The following ANKRD31 variants were observed in gnomAD, a reference collection of about 807,000 sequenced individuals.
ANKRD31 encodes the protein ankyrin repeat domain 31.
In ANKRD31, 147 loss-of-function variants were observed where a neutral mutation model predicts 186.0. The observed-to-expected ratio is 0.79, with a 90% CI of 0.69 to 0.91. ANKRD31 has a LOEUF of 0.91. Ranked by LOEUF, ANKRD31 falls within the 40% of genes least tolerant of loss-of-function variation. The pLI is 0.00. For missense variants in ANKRD31, 1,986 were observed against 2,148.8 expected (o/e 0.92, Z 1.50); for synonymous variants, 673 against 736.4 (o/e 0.91, Z 1.39).
intron 5 of ANKRD31, among the ~76,000 whole-genome samples, chr5:75,204,051 C>A (rs1180804190): frequency 6.6e-6 from 1 of 152,160 alleles, no homozygotes; most frequent in Non-Finnish European, 1.5e-5. Flanking sequence ...ATTTACTAAA[C>A]TTCTATATCT....
chr5:75,159,107 C>T (rs772361689), intron 11 of ANKRD31, among the ~76,000 whole-genome samples: 9 of 151,880 alleles, frequency 5.9e-5, no homozygotes, highest in Non-Finnish European at 1.2e-4. Context: ...CCAGAGGCCT[C>T]AACAGGAAGT....
chr5:75,225,559 T>A, intron 2 of ANKRD31: 1 of 284,292 alleles, frequency 3.5e-6, no homozygotes, highest in Non-Finnish European at 7.0e-6. Flanking sequence ...TGACAGGGTT[T>A]GTCAATGAGA....
intron 23 of ANKRD31, among the ~76,000 whole-genome samples, chr5:75,087,175 A>G (rs1374247149): frequency 3.9e-5 from 6 of 152,262 alleles, no homozygotes; most frequent in South Asian, 4.1e-4. Context: ...CATTTTTCAT[A>G]TATCTTCAGA....
chr5:75,141,278 C>A (rs527827283), intron 15 of ANKRD31, among the ~76,000 whole-genome samples: 1 of 152,232 alleles, frequency 6.6e-6, no homozygotes, highest in South Asian at 2.1e-4. Flanking sequence ...CAGACAAAAA[C>A]ATATTGCTCT....
intron 11 of ANKRD31, among the ~76,000 whole-genome samples, chr5:75,165,192 C>A (rs1195536133): frequency 1.3e-5 from 2 of 151,514 alleles, no homozygotes; most frequent in Non-Finnish European, 2.9e-5. Context: ...CTCCAAAATC[C>A]AAAAAAAATT....
At chr5:75,200,725 C>T (rs1755767485) in intron 5 of ANKRD31, among the ~76,000 whole-genome samples, 1 of 151,118 alleles carries the variant, frequency 6.6e-6, no homozygotes, top group Admixed American at 6.6e-5. Flanking sequence ...CCAGCCTGGC[C>T]AACAAGGTGA....
chr5:75,185,291 G>A (rs556952351), intron 10 of ANKRD31, among the ~76,000 whole-genome samples: 19 of 152,188 alleles, frequency 1.2e-4, no homozygotes, highest in South Asian at 2.1e-4. Flanking sequence ...AAGGTGCAGC[G>A]GCTCACACCT....
intron 10 of ANKRD31, among the ~76,000 whole-genome samples, chr5:75,173,676 G>A (rs1458540907): frequency 6.6e-6 from 1 of 152,114 alleles, no homozygotes; most frequent in Non-Finnish European, 1.5e-5. Context: ...AACTTACAAG[G>A]GATGTGAAGG....
At chr5:75,119,622 G>C (rs1487171500) in intron 17 of ANKRD31, among the ~76,000 whole-genome samples, 1 of 152,148 alleles carries the variant, frequency 6.6e-6, no homozygotes, top group Non-Finnish European at 1.5e-5. Context: ...CCCAGTAATG[G>C]AATTGCTAGG....
chr5:75,162,765 T>C (rs1752657455), intron 11 of ANKRD31, among the ~76,000 whole-genome samples: 1 of 152,208 alleles, frequency 6.6e-6, no homozygotes, highest in African/African-American at 2.4e-5. Context: ...TGTTATGTTT[T>C]AATGAAAAAT....
chr5:75,168,937 CA>C, intron 11 of ANKRD31, 41 bp downstream of exon 11: 3 of 1,466,414 alleles, frequency 2.0e-6, no homozygotes, highest in Non-Finnish European at 2.7e-6. Flanking sequence ...TTAATATTTG[CA>C]AAATATAGTA....
At chr5:75,170,032 G>A (rs775289901) in intron 10 of ANKRD31, among the ~76,000 whole-genome samples, 9 of 152,046 alleles carry the variant, frequency 5.9e-5, no homozygotes, top group African/African-American at 1.2e-4. Context: ...GAGTTTTGAC[G>A]AAGAAATGAA....
intron 3 of ANKRD31, among the ~76,000 whole-genome samples, chr5:75,221,831 T>G (rs1377773858): frequency 1.3e-5 from 2 of 152,122 alleles, no homozygotes; most frequent in African/African-American, 2.4e-5. Flanking sequence ...TTTATGATCT[T>G]CTTAACATTT....
intron 10 of ANKRD31, among the ~76,000 whole-genome samples, chr5:75,187,642 G>A (rs1397279524): frequency 1.3e-5 from 2 of 152,028 alleles, no homozygotes; most frequent in African/African-American, 4.8e-5. Flanking sequence ...AAGAATACAA[G>A]GTTGAGGGTT....
At chr5:75,086,380 C>T (rs2150023060) in intron 23 of ANKRD31, among the ~76,000 whole-genome samples, 1 of 152,272 alleles carries the variant, frequency 6.6e-6, no homozygotes, top group South Asian at 2.1e-4. Flanking sequence ...ATGTGCATTT[C>T]ATATTAATGT....
At chr5:75,232,506 G>A (rs1243299984) in intron 1 of ANKRD31, among the ~76,000 whole-genome samples, 3 of 151,582 alleles carry the variant, frequency 2.0e-5, no homozygotes, top group Non-Finnish European at 2.9e-5. Flanking sequence ...TTCAGGTCTC[G>A]ACCTCCCTAA....
intron 3 of ANKRD31, among the ~76,000 whole-genome samples, chr5:75,217,639 C>G (rs1427894473): frequency 2.6e-5 from 4 of 152,080 alleles, no homozygotes; most frequent in Admixed American, 2.0e-4. Context: ...TATTTTGAGC[C>G]TATGGGTATC....
intron 10 of ANKRD31, among the ~76,000 whole-genome samples, chr5:75,182,579 C>T (rs1171556724): frequency 1.3e-5 from 2 of 151,800 alleles, no homozygotes; most frequent in African/African-American, 2.4e-5. Context: ...ATTAGCCAGG[C>T]GTGGTGGCAA....
chr5:75,214,571 T>C (rs758487324), intron 3 of ANKRD31, among the ~76,000 whole-genome samples: 1 of 152,202 alleles, frequency 6.6e-6, no homozygotes, highest in Non-Finnish European at 1.5e-5. Flanking sequence ...CTCCATGAGC[T>C]CTGGCCTTGC....
Sources: gnomAD v4.1 joint callset for allele counts (sites outside exome capture counted in the v4.1 genomes callset) on GRCh38, gnomAD v4.1.1 for gene constraint, MANE v1.5 for transcripts, NCBI Gene and HGNC (gene_info 2026-07-23, HGNC 2026-07-21) for gene names.